ATF7IP2: variants seen among roughly 807,000 people sequenced by gnomAD.
ATF7IP2 encodes the protein activating transcription factor 7 interacting protein 2.
ATF7IP2 carries 42 observed loss-of-function variants against 64.2 expected under a neutral mutation model. That is an observed-to-expected ratio of 0.65 (90% CI 0.51 to 0.85). The LOEUF is 0.85. ATF7IP2 is among the 40% of genes least tolerant of loss of function. The pLI is 0.00. For missense variants in ATF7IP2, 933 were observed against 784.2 expected (o/e 1.19, Z -2.27); for synonymous variants, 308 against 272.8 (o/e 1.13, Z -1.27).
intron 1 of ATF7IP2, among the ~76,000 whole-genome samples, chr16:10,403,778 A>G (rs2047581468): frequency 6.6e-6 from 1 of 152,212 alleles, no homozygotes; most frequent in Admixed American, 6.5e-5. Flanking sequence ...AAAACCAAAC[A>G]GAACTTTATG....
intron 9 of ATF7IP2, among the ~76,000 whole-genome samples, chr16:10,458,805 C>T (rs1047108147): frequency 7.2e-5 from 11 of 152,152 alleles, no homozygotes; most frequent in Admixed American, 2.0e-4. Flanking sequence ...TAGATGCAGC[C>T]GTCCTAAACA....
chr16:10,452,602 C>T (rs2049021360), intron 8 of ATF7IP2, among the ~76,000 whole-genome samples: 1 of 152,192 alleles, frequency 6.6e-6, no homozygotes. Flanking sequence ...CTTGAGGAGC[C>T]AGTCTGACAT....
At chr16:10,473,114 C>T (rs1027307753) in intron 10 of ATF7IP2, among the ~76,000 whole-genome samples, 7 of 152,146 alleles carry the variant, frequency 4.6e-5, no homozygotes, top group Non-Finnish European at 8.8e-5. Flanking sequence ...TCTTAGGCTT[C>T]CTACTGGTTC....
Position 10,457,432 on chromosome 16 carries a change from G to C in ATF7IP2, c.1255G>C (p.Glu419Gln), listed in dbSNP as rs2049210169. The part of the protein sequence containing the change: ...KNLESVNSPI[E>Q]KSSVNYEPSN... The stretch of plus-strand genomic sequence containing the variant: ...TCTTGAGTCAGTTAATAGTCCAATT[G>C]AAAAGTCTTCTGTGAATTATGAGCC... Residue 419 changes from glutamate to glutamine, a missense_variant, in exon 9 of 14, where the codon GAA becomes CAA. Coordinates refer to ENST00000562102, the MANE Select transcript of ATF7IP2 (RefSeq NM_001393719.1). 4 of 1,607,608 alleles carry C rather than the reference G, an allele frequency of 2.5e-6. No homozygotes were observed. Among genetic ancestry groups the C allele is most frequent in the Non-Finnish European group, 3.4e-6 (4 of 1,177,658 alleles).
At chr16:10,411,291 A>G (rs2047753023) in intron 1 of ATF7IP2, among the ~76,000 whole-genome samples, 1 of 147,106 alleles carries the variant, frequency 6.8e-6, no homozygotes, top group African/African-American at 2.5e-5. Flanking sequence ...ATTGGTACCA[A>G]TTTTTCTTTG....
intron 1 of ATF7IP2, among the ~76,000 whole-genome samples, chr16:10,409,233 G>A (rs1046885268): frequency 1.6e-4 from 24 of 152,112 alleles, no homozygotes; most frequent in Non-Finnish European, 1.5e-4. Context: ...GTGTGGTTTC[G>A]AAGGGTGGAA....
chr16:10,431,990 ATT>A (rs34029007), intron 5 of ATF7IP2, among the ~76,000 whole-genome samples: 12 of 111,578 alleles, frequency 1.1e-4, no homozygotes, highest in Non-Finnish European at 1.4e-4. Flanking sequence ...CGCCCGGCTA[ATT>A]TTTTTTTTTT....
chr16:10,448,201 A>G (rs1467118434), intron 8 of ATF7IP2: 2 of 152,214 alleles, frequency 1.3e-5, no homozygotes, highest in Admixed American at 6.5e-5. Flanking sequence ...GAAGTCAGGT[A>G]GTGTGATGCC....
chr16:10,418,617 C>T (rs1214245501), intron 2 of ATF7IP2, among the ~76,000 whole-genome samples: 1 of 152,206 alleles, frequency 6.6e-6, no homozygotes, highest in African/African-American at 2.4e-5. Context: ...AATCTGTCTG[C>T]AGCTCCTTCA....
At chr16:10,390,247 C>G (rs2047294624) in intron 1 of ATF7IP2, among the ~76,000 whole-genome samples, 1 of 151,936 alleles carries the variant, frequency 6.6e-6, no homozygotes, top group Non-Finnish European at 1.5e-5. Flanking sequence ...CAGCATGCAC[C>G]CATAACTTCG....
At chr16:10,429,691 G>A (rs944257294) in intron 4 of ATF7IP2, among the ~76,000 whole-genome samples, 2 of 91,906 alleles carry the variant, frequency 2.2e-5, no homozygotes, top group African/African-American at 7.8e-5. Context: ...GTATCTTAGT[G>A]CTGGTTTTAT....
At chr16:10,437,359 C>T (rs184210130) in intron 6 of ATF7IP2, among the ~76,000 whole-genome samples, 20 of 152,294 alleles carry the variant, frequency 1.3e-4, no homozygotes, top group Non-Finnish European at 2.6e-4. Flanking sequence ...ACTAGCTGAG[C>T]TAACCAACTG....
intron 1 of ATF7IP2, among the ~76,000 whole-genome samples, chr16:10,393,864 G>C (rs2047374968): frequency 6.6e-6 from 1 of 152,142 alleles, no homozygotes; most frequent in Non-Finnish European, 1.5e-5. Context: ...ACCATAGTAA[G>C]ACCTTGTCTC....
At chr16:10,421,671 C>G (rs2047991220) in intron 3 of ATF7IP2, among the ~76,000 whole-genome samples, 1 of 152,202 alleles carries the variant, frequency 6.6e-6, no homozygotes, top group Non-Finnish European at 1.5e-5. Context: ...TGCAAGTGAT[C>G]ATAAGATTGG....
At chr16:10,440,576 T>A (rs1256563063) in intron 8 of ATF7IP2, 114 bp downstream of exon 8, 1 of 635,560 alleles carries the variant, frequency 1.6e-6, no homozygotes, top group Non-Finnish European at 2.6e-6. Flanking sequence ...GTAAGTAAGT[T>A]TTTACTTAGA....
chr16:10,435,237 G>A (rs1540525), intron 6 of ATF7IP2, among the ~76,000 whole-genome samples: 120,504 of 152,222 alleles, frequency 0.79, 48,530 homozygotes, highest in African/African-American at 0.95. Flanking sequence ...CCCTACTGAA[G>A]GAGTCCTGCA....
At chr16:10,412,823 T>C (rs2047798533) in intron 1 of ATF7IP2, among the ~76,000 whole-genome samples, 1 of 152,208 alleles carries the variant, frequency 6.6e-6, no homozygotes, top group Non-Finnish European at 1.5e-5. Context: ...TTCTTAAGTT[T>C]TATCAGTTTG....
chr16:10,434,654 A>G (rs1422354595), intron 6 of ATF7IP2, among the ~76,000 whole-genome samples: 1 of 152,190 alleles, frequency 6.6e-6, no homozygotes, highest in East Asian at 1.9e-4. Flanking sequence ...AAAATATGTA[A>G]GTGTTCTGTT....
chr16:10,480,727 T>C (rs1304219682), intron 12 of ATF7IP2, 152 bp from the exon 13 acceptor site: 1 of 659,356 alleles, frequency 1.5e-6, no homozygotes, highest in Non-Finnish European at 2.6e-6. Context: ...CTCTGTATCT[T>C]GAACTTTAAT....
Sources: gnomAD v4.1 joint callset for allele counts (sites outside exome capture counted in the v4.1 genomes callset) on GRCh38, gnomAD v4.1.1 for gene constraint, MANE v1.5 for transcripts, NCBI Gene and HGNC (gene_info 2026-07-23, HGNC 2026-07-21) for gene names.